The following SLC35F1 variants were observed in gnomAD, a reference collection of about 807,000 sequenced individuals.
The protein encoded by SLC35F1 is chromosome 6 open reading frame 169.
A neutral mutation model predicts 48.7 loss-of-function variants in SLC35F1; 14 were observed. The observed-to-expected ratio is 0.29, with a 90% CI of 0.19 to 0.45. SLC35F1 has a LOEUF of 0.45. SLC35F1 is among the 20% of genes least tolerant of loss of function. SLC35F1 has a pLI of 1.00. For missense variants in SLC35F1, 404 were observed against 500.0 expected, an observed-to-expected ratio of 0.81 and a Z score of 1.83; for synonymous variants, 190 against 202.2, an observed-to-expected ratio of 0.94 and a Z score of 0.51.
At chr6:118,185,260 C>G (rs1582718153) in intron 2 of SLC35F1, among the ~76,000 whole-genome samples, 1 of 152,150 alleles carries the variant, frequency 6.6e-6, no homozygotes, top group African/African-American at 2.4e-5. Context: ...ATCCAGAACT[C>G]TGCATTTACT....
At chr6:117,929,524 C>G (rs1776074004) in intron 1 of SLC35F1, among the ~76,000 whole-genome samples, 1 of 147,682 alleles carries the variant, frequency 6.8e-6, no homozygotes, top group Non-Finnish European at 1.5e-5. Context: ...GATTGATTTA[C>G]TTTAAGGAAT....
intron 2 of SLC35F1, among the ~76,000 whole-genome samples, chr6:118,182,519 A>AGAAGGAAGGACGGAAGGAAG: frequency 9.4e-6 from 1 of 106,346 alleles, no homozygotes; most frequent in Non-Finnish European, 1.9e-5. Context: ...AGAGAGAGAG[A>AGAAGGAAGGACGGAAGGAAG]GAAGGAAGGA....
At chr6:117,967,594 C>T (rs1024100459) in intron 1 of SLC35F1, among the ~76,000 whole-genome samples, 1 of 152,154 alleles carries the variant, frequency 6.6e-6, no homozygotes, top group Non-Finnish European at 1.5e-5. Flanking sequence ...CCTGTTTACT[C>T]TTGTTTCTAA....
At chr6:117,977,731 T>C (rs1243725494) in intron 1 of SLC35F1, among the ~76,000 whole-genome samples, 1 of 152,106 alleles carries the variant, frequency 6.6e-6, no homozygotes, top group Non-Finnish European at 1.5e-5. Flanking sequence ...AATATATGCA[T>C]TTGAGCAATT....
At chr6:118,141,644 T>G (rs1246292040) in intron 1 of SLC35F1, among the ~76,000 whole-genome samples, 1 of 152,152 alleles carries the variant, frequency 6.6e-6, no homozygotes, top group Non-Finnish European at 1.5e-5. Flanking sequence ...GGGATCCTTT[T>G]TACCCTGTTC....
Position 118,064,461 on chromosome 6 carries a change from G to T in SLC35F1, c.174-89984G>T, listed in dbSNP as rs568104752. Reference sequence around the variant, plus strand: ...CACAGCACAATAGCCATTACACTTTGCAGTATCCCTTAGAATGGTCCCATT... The same window carrying T: ...CACAGCACAATAGCCATTACACTTTTCAGTATCCCTTAGAATGGTCCCATT... On this transcript the variant is annotated intron_variant, in intron 1 of 7. Transcript: ENST00000360388. 5.9e-5 allele frequency among the ~76,000 whole-genome samples: 9 copies of T among 152,296 alleles called. No homozygotes were observed. The East Asian group carries it at 1.5e-3, about 26-fold the overall frequency.
At chr6:118,148,189 G>T (rs1367216500) in intron 1 of SLC35F1, among the ~76,000 whole-genome samples, 3 of 152,136 alleles carry the variant, frequency 2.0e-5, no homozygotes, top group Non-Finnish European at 2.9e-5. Flanking sequence ...CCTGAGAATA[G>T]TTATCAGAAT....
intron 3 of SLC35F1, among the ~76,000 whole-genome samples, chr6:118,238,028 C>T (rs1334905036): frequency 1.3e-5 from 2 of 152,278 alleles, no homozygotes; most frequent in Middle Eastern, 3.4e-3. Context: ...CTTCCACCTC[C>T]CCTCTTCCTT....
chr6:117,967,350 A>G (rs1419722323), intron 1 of SLC35F1, among the ~76,000 whole-genome samples: 2 of 152,224 alleles, frequency 1.3e-5, no homozygotes, highest in East Asian at 3.8e-4. Flanking sequence ...AAATGAATAA[A>G]CAGGATTCTG....
At chr6:117,917,468 G>C (rs1001089630) in intron 1 of SLC35F1, among the ~76,000 whole-genome samples, 1 of 151,906 alleles carries the variant, frequency 6.6e-6, no homozygotes, top group Non-Finnish European at 1.5e-5. Context: ...CAACAGAAGT[G>C]GAGACAAGCG....
intron 1 of SLC35F1, among the ~76,000 whole-genome samples, chr6:118,105,596 A>G (rs1773316309): frequency 6.6e-6 from 1 of 152,208 alleles, no homozygotes; most frequent in Admixed American, 6.5e-5. Context: ...GCATTTTTTA[A>G]TAGCATCCTT....
intron 1 of SLC35F1, among the ~76,000 whole-genome samples, chr6:117,923,922 AT>A (rs1775981207): frequency 1.3e-5 from 2 of 150,162 alleles, no homozygotes; most frequent in African/African-American, 2.4e-5. Context: ...ACATATATAC[AT>A]ATGTGTTATG....
chr6:117,971,011 A>G (rs760934112), intron 1 of SLC35F1, among the ~76,000 whole-genome samples: 4 of 152,148 alleles, frequency 2.6e-5, no homozygotes, highest in African/African-American at 9.7e-5. Context: ...AACTTATTCC[A>G]TCATTAATCC....
At position 117,921,658 on chromosome 6, in the gene SLC35F1, T is replaced by C. The variant is rs147028960; in HGVS notation, c.173+13759T>C. On this transcript the variant is annotated intron_variant, in intron 1 of 7. Transcript: ENST00000360388. ...ATGAGGTGCTTGCTAGCACTAGTTTTAGAAAATTGATCATTTGCAACTCTT... is the reference window on the plus strand; with the variant it reads ...ATGAGGTGCTTGCTAGCACTAGTTTCAGAAAATTGATCATTTGCAACTCTT... Among the ~76,000 whole-genome samples the C allele has an allele frequency of 3.3e-5, 5 of 152,328 alleles. No homozygotes were observed. The East Asian group carries it at 9.6e-4, about 29-fold the overall frequency.
chr6:118,165,026 C>A (rs1418429919), intron 2 of SLC35F1, among the ~76,000 whole-genome samples: 2 of 152,112 alleles, frequency 1.3e-5, no homozygotes, highest in Admixed American at 1.3e-4. Context: ...CCAAGAGGAA[C>A]AATAGGAACC....
chr6:118,196,791 A>G (rs1774806579), intron 2 of SLC35F1, among the ~76,000 whole-genome samples: 1 of 152,080 alleles, frequency 6.6e-6, no homozygotes, highest in Non-Finnish European at 1.5e-5. Flanking sequence ...CTTTTCCCAT[A>G]TGTTTTCTTC....
chr6:118,016,093 G>A (rs777453351), intron 1 of SLC35F1, among the ~76,000 whole-genome samples: 32 of 152,192 alleles, frequency 2.1e-4, no homozygotes, highest in Non-Finnish European at 4.1e-4. Flanking sequence ...TTCCCAAACA[G>A]GCACCCATTC....
At chr6:118,021,172 G>A (rs530576425) in intron 1 of SLC35F1, among the ~76,000 whole-genome samples, 1 of 152,174 alleles carries the variant, frequency 6.6e-6, no homozygotes, top group African/African-American at 2.4e-5. Context: ...GAAGGCTCTG[G>A]GGATTGAGAT....
chr6:118,256,616 A>G (rs1330593335), intron 3 of SLC35F1, among the ~76,000 whole-genome samples: 1 of 152,226 alleles, frequency 6.6e-6, no homozygotes, highest in African/African-American at 2.4e-5. Flanking sequence ...AACTTTTTAA[A>G]ATAAACCATC....
Sources: gnomAD v4.1 joint callset for allele counts (sites outside exome capture counted in the v4.1 genomes callset) on GRCh38, gnomAD v4.1.1 for gene constraint, MANE v1.5 for transcripts, NCBI Gene and HGNC (gene_info 2026-07-23, HGNC 2026-07-21) for gene names.